The following CALN1 variants were observed in gnomAD, a reference collection of about 807,000 sequenced individuals.
CALN1 encodes calneuron 1.
CALN1 carries 17 observed loss-of-function variants against 30.6 expected under a neutral mutation model. The ratio of observed to expected loss-of-function variants is 0.56; its 90% CI spans 0.38 to 0.83. The LOEUF is 0.83. CALN1 is among the 40% of genes least tolerant of loss of function. CALN1 has a pLI of 0.00. For missense variants in CALN1, 291 were observed against 354.9 expected, an observed-to-expected ratio of 0.82 and a Z score of 1.45; for synonymous variants, 156 against 131.4, an observed-to-expected ratio of 1.19 and a Z score of -1.28.
chr7:72,378,593 CTCT>C (rs779195217), intron 2 of CALN1, among the ~76,000 whole-genome samples: 4 of 152,186 alleles, frequency 2.6e-5, no homozygotes, highest in East Asian at 3.9e-4. Context: ...TCCTTTTATT[CTCT>C]TCTTTTATAC....
At chr7:71,938,534 T>C (rs1191624158) in intron 5 of CALN1, among the ~76,000 whole-genome samples, 2 of 152,132 alleles carry the variant, frequency 1.3e-5, no homozygotes, top group African/African-American at 2.4e-5. Flanking sequence ...CGGTGGCTCA[T>C]GCCTGTAATC....
chr7:71,895,724 AGAAAAATGACTCCT>A (rs1409307423), intron 5 of CALN1, among the ~76,000 whole-genome samples: 1 of 152,244 alleles, frequency 6.6e-6, no homozygotes, highest in East Asian at 1.9e-4. Context: ...AAATCTGAGA[AGAAAAATGACTCCT>A]GCTAGAGATG....
At chr7:72,005,967 C>T (rs1799751897) in intron 5 of CALN1, among the ~76,000 whole-genome samples, 1 of 152,046 alleles carries the variant, frequency 6.6e-6, no homozygotes, top group African/African-American at 2.4e-5. Context: ...TGGGGAACTC[C>T]GAAGACTATT....
intron 3 of CALN1, among the ~76,000 whole-genome samples, chr7:72,269,696 C>T (rs1351699034): frequency 6.6e-6 from 1 of 152,144 alleles, no homozygotes; most frequent in Non-Finnish European, 1.5e-5. Flanking sequence ...ATTGAATTAC[C>T]TACTAGAACA....
intron 2 of CALN1, among the ~76,000 whole-genome samples, chr7:72,396,082 T>TACA (rs1388121500): frequency 1.3e-5 from 2 of 151,512 alleles, no homozygotes; most frequent in Non-Finnish European, 2.9e-5. Context: ...GAGCAGAGGC[T>TACA]ACATTACATG....
chr7:71,877,649 G>A (rs1353915031), intron 5 of CALN1, among the ~76,000 whole-genome samples: 7 of 116,808 alleles, frequency 6.0e-5, no homozygotes, highest in East Asian at 6.1e-4. Flanking sequence ...AAAAAAAAAC[G>A]ATGGAGAAAT....
chr7:71,871,791 T>C (rs1370869057), intron 5 of CALN1, among the ~76,000 whole-genome samples: 2 of 152,046 alleles, frequency 1.3e-5, no homozygotes, highest in African/African-American at 2.4e-5. Context: ...TTTTCAAATA[T>C]CACCTTTTCA....
At chr7:72,398,483 T>A (rs867161993) in intron 2 of CALN1, among the ~76,000 whole-genome samples, 1 of 152,198 alleles carries the variant, frequency 6.6e-6, no homozygotes, top group Non-Finnish European at 1.5e-5. Context: ...ATAGTGCACA[T>A]CCACTTCTCC....
intron 5 of CALN1, among the ~76,000 whole-genome samples, chr7:71,885,483 A>C (rs947864972): frequency 2.0e-5 from 3 of 152,166 alleles, no homozygotes; most frequent in Admixed American, 6.5e-5. Flanking sequence ...TATTTGATTG[A>C]TGTCTCCTGC....
intron 3 of CALN1, among the ~76,000 whole-genome samples, chr7:72,177,561 T>A (rs1374486941): frequency 6.6e-6 from 1 of 151,996 alleles, no homozygotes; most frequent in Non-Finnish European, 1.5e-5. Flanking sequence ...AGTCAGGAGT[T>A]CGAGACCAGC....
chr7:72,268,319 G>C (rs1226388586), intron 3 of CALN1, among the ~76,000 whole-genome samples: 1 of 152,024 alleles, frequency 6.6e-6, no homozygotes, highest in Non-Finnish European at 1.5e-5. Flanking sequence ...TAAGCAGGGA[G>C]TTGAAGCAGA....
At chr7:72,003,749 A>G (rs1799637591) in intron 5 of CALN1, among the ~76,000 whole-genome samples, 1 of 152,212 alleles carries the variant, frequency 6.6e-6, no homozygotes, top group Non-Finnish European at 1.5e-5. Flanking sequence ...GGTGAGTTGT[A>G]TAATTATTTC....
At chr7:72,474,559 C>A in the CALN1 span, among the ~76,000 whole-genome samples, 1 of 151,958 alleles carries the variant, frequency 6.6e-6, no homozygotes, top group Non-Finnish European at 1.5e-5. Context: ...GATGGCAATC[C>A]CTGTGGTCCC....
intron 5 of CALN1, among the ~76,000 whole-genome samples, chr7:71,929,931 C>T (rs1795461036): frequency 6.6e-6 from 1 of 152,136 alleles, no homozygotes; most frequent in Non-Finnish European, 1.5e-5. Context: ...GGTTTCAGGA[C>T]ATCTCATGGA....
chr7:71,966,478 G>A (rs1273538686), intron 5 of CALN1, among the ~76,000 whole-genome samples: 1 of 152,154 alleles, frequency 6.6e-6, no homozygotes, highest in Non-Finnish European at 1.5e-5. Context: ...TTGATAGTGA[G>A]TTCTCATGAC....
intron 5 of CALN1, among the ~76,000 whole-genome samples, chr7:71,857,016 A>ATGTGTGTGTGTGTGTGTGTG (rs200594767): frequency 2.8e-5 from 4 of 142,224 alleles, no homozygotes; most frequent in Non-Finnish European, 6.2e-5. Flanking sequence ...GTGTATATGT[A>ATGTGTGTGTGTGTGTGTGTG]TGTGTGTGTG....
chr7:72,164,942 G>T (rs1323289746), intron 3 of CALN1, among the ~76,000 whole-genome samples: 2 of 134,036 alleles, frequency 1.5e-5, no homozygotes. Context: ...GGATCCTCCT[G>T]CCTCAGTCTT....
chr7:72,063,140 G>A (rs551795405), intron 4 of CALN1, among the ~76,000 whole-genome samples: 1 of 152,246 alleles, frequency 6.6e-6, no homozygotes, highest in African/African-American at 2.4e-5. Flanking sequence ...GGATCAAGCT[G>A]TTCTTGAGCT....
chr7:72,113,523 T>C (rs141452158), intron 3 of CALN1, among the ~76,000 whole-genome samples: 79 of 152,292 alleles, frequency 5.2e-4, no homozygotes, highest in African/African-American at 1.7e-3. Context: ...TGACAGGCAA[T>C]ATTGCAATGG....
Sources: gnomAD v4.1 joint callset for allele counts (sites outside exome capture counted in the v4.1 genomes callset) on GRCh38, gnomAD v4.1.1 for gene constraint, MANE v1.5 for transcripts, NCBI Gene and HGNC (gene_info 2026-07-23, HGNC 2026-07-21) for gene names.